The following GRM5 variants were observed in gnomAD, a reference collection of about 807,000 sequenced individuals.
The protein encoded by GRM5 is glutamate metabotropic receptor 5.
A neutral mutation model predicts 83.1 loss-of-function variants in GRM5; 19 were observed. The ratio of observed to expected loss-of-function variants is 0.23; its 90% confidence interval spans 0.16 to 0.34. GRM5 has a LOEUF of 0.34. GRM5 is among the 10% of genes least tolerant of loss of function. GRM5 has a pLI of 1.00. For missense variants in GRM5, 1,160 were observed against 1,588.3 expected, an observed-to-expected ratio of 0.73 and a Z score of 4.58; for synonymous variants, 675 against 633.6, an observed-to-expected ratio of 1.07 and a Z score of -0.98.
chr11:88,799,186 A>G (rs1943342030), intron 3 of GRM5, among the ~76,000 whole-genome samples: 1 of 152,138 alleles, frequency 6.6e-6, no homozygotes, highest in Non-Finnish European at 1.5e-5. Context: ...ACATATTTTT[A>G]TATGAGAATT....
intron 1 of GRM5, among the ~76,000 whole-genome samples, chr11:89,050,030 C>T (rs1941725625): frequency 6.6e-6 from 1 of 152,134 alleles, no homozygotes; most frequent in African/African-American, 2.4e-5. Context: ...TATGTAAGAA[C>T]ATCAAAGTGA....
chr11:88,664,870 C>A (rs1222729064), intron 3 of GRM5, among the ~76,000 whole-genome samples: 1 of 152,080 alleles, frequency 6.6e-6, no homozygotes, highest in Non-Finnish European at 1.5e-5. Context: ...TGAGCAACCA[C>A]GAATTTTAGA....
At chr11:88,781,927 T>C (rs548914479) in intron 3 of GRM5, among the ~76,000 whole-genome samples, 2 of 152,162 alleles carry the variant, frequency 1.3e-5, no homozygotes, top group Non-Finnish European at 2.9e-5. Flanking sequence ...ATTAACACAG[T>C]AGTGAATTCA....
chr11:88,547,985 GGGA>G (rs1942422266), intron 8 of GRM5, among the ~76,000 whole-genome samples: 1 of 152,150 alleles, frequency 6.6e-6, no homozygotes, highest in Admixed American at 6.6e-5. Context: ...AATGCCTTGT[GGGA>G]GGTGGGGAAG....
chr11:88,711,922 C>A (rs1446740888), intron 3 of GRM5, among the ~76,000 whole-genome samples: 1 of 152,052 alleles, frequency 6.6e-6, no homozygotes, highest in African/African-American at 2.4e-5. Context: ...TCTACACTCT[C>A]CCTGACCACT....
intron 2 of GRM5, among the ~76,000 whole-genome samples, chr11:88,894,725 G>A (rs1377512951): frequency 6.6e-6 from 1 of 151,948 alleles, no homozygotes; most frequent in Non-Finnish European, 1.5e-5. Flanking sequence ...CAAAGTGAGA[G>A]TATTAAGAAA....
At chr11:88,609,332 G>T (rs1938254063) in intron 4 of GRM5, among the ~76,000 whole-genome samples, 1 of 152,190 alleles carries the variant, frequency 6.6e-6, no homozygotes, top group Non-Finnish European at 1.5e-5. Flanking sequence ...GATTTTGTTT[G>T]GCTGTTTAGT....
At chr11:88,782,720 G>A (rs1942997450) in intron 3 of GRM5, among the ~76,000 whole-genome samples, 1 of 152,036 alleles carries the variant, frequency 6.6e-6, no homozygotes, top group South Asian at 2.1e-4. Context: ...CCATGTTATG[G>A]AAGAAAAATT....
At chr11:88,599,809 C>G (rs376421262) in intron 5 of GRM5, among the ~76,000 whole-genome samples, 1 of 151,884 alleles carries the variant, frequency 6.6e-6, no homozygotes, top group African/African-American at 2.4e-5. Context: ...GTCAGGAGAT[C>G]GAGACCATCC....
At chr11:88,976,204 TAG>T (rs1466150411) in intron 2 of GRM5, among the ~76,000 whole-genome samples, 2 of 152,148 alleles carry the variant, frequency 1.3e-5, no homozygotes, top group African/African-American at 4.8e-5. Context: ...TTAAAATACA[TAG>T]AGTGTGTGCA....
chr11:88,843,143 T>A (rs1944233745), intron 3 of GRM5, among the ~76,000 whole-genome samples: 1 of 152,232 alleles, frequency 6.6e-6, no homozygotes, highest in African/African-American at 2.4e-5. Flanking sequence ...GTCCTACACA[T>A]CTGTTGGCAC....
chr11:88,713,612 T>A (rs1198411479), intron 3 of GRM5, among the ~76,000 whole-genome samples: 1 of 152,028 alleles, frequency 6.6e-6, no homozygotes, highest in African/African-American at 2.4e-5. Context: ...GAGGCATGTT[T>A]TCTTGTACAC....
At chr11:88,511,516 C>T (rs537952567) in intron 9 of GRM5, among the ~76,000 whole-genome samples, 1 of 152,310 alleles carries the variant, frequency 6.6e-6, no homozygotes, top group African/African-American at 2.4e-5. Flanking sequence ...ATGTAATCTA[C>T]CCAATATATT....
Position 89,047,361 on chromosome 11 carries a change from G to A in GRM5, c.512C>T (p.Ala171Val). 1.2e-6 allele frequency: 2 copies of A among 1,614,072 alleles called. No individual in the cohort carries two copies. The highest frequency in any genetic ancestry group is 1.7e-6 in the Non-Finnish European group (2 of 1,179,962). ...LLQLFNIPQIAYSATSMDLSD... is the reference protein window; with the variant it reads ...LLQLFNIPQIVYSATSMDLSD... ...CAGATCCATGCTGGTTGCTGAGTAA[G>A]CAATCTGAGGTATGTTGAAAAGCTG... The change falls in exon 2 of 10, where the codon GCT becomes GTT. Residue 171 changes from alanine (A) to valine (V), a missense_variant. By Grantham distance (64) the Ala-to-Val change is moderately conservative. Transcript: ENST00000305447. This position sits in a 1 kb window ranked among gnomAD's most constrained non-coding sequence, Gnocchi z 5.1.
chr11:88,610,763 C>G (rs759107666), intron 4 of GRM5, among the ~76,000 whole-genome samples: 1 of 152,048 alleles, frequency 6.6e-6, no homozygotes, highest in African/African-American at 2.4e-5. Flanking sequence ...ACATTGAATA[C>G]AAATGAAGAT....
At chr11:88,670,131 C>T (rs1702883569) in intron 3 of GRM5, among the ~76,000 whole-genome samples, 1 of 151,844 alleles carries the variant, frequency 6.6e-6, no homozygotes, top group African/African-American at 2.4e-5. Flanking sequence ...ACAAAGGCAA[C>T]ACTGCAAAGA....
chr11:88,951,479 G>A (rs1454284193), intron 2 of GRM5, among the ~76,000 whole-genome samples: 1 of 152,204 alleles, frequency 6.6e-6, no homozygotes, highest in African/African-American at 2.4e-5. Flanking sequence ...TTTTGTGTTG[G>A]ACGGTAAGAG....
intron 1 of GRM5, among the ~76,000 whole-genome samples, chr11:89,055,089 A>G (rs1361098819): frequency 1.3e-5 from 2 of 152,196 alleles, no homozygotes; most frequent in Non-Finnish European, 2.9e-5. Flanking sequence ...GCTCTTGTCC[A>G]AGTATACACT....
At chr11:88,522,342 C>T (rs1483147836) in intron 9 of GRM5, among the ~76,000 whole-genome samples, 3 of 152,156 alleles carry the variant, frequency 2.0e-5, no homozygotes, top group Non-Finnish European at 4.4e-5. Context: ...TTAGAAACGG[C>T]TTCCATCACA....
Sources: gnomAD v4.1 joint callset for allele counts (sites outside exome capture counted in the v4.1 genomes callset) on GRCh38, gnomAD v4.1.1 for gene constraint, Gnocchi (gnomAD v3.1) non-coding constraint, MANE v1.5 for transcripts, NCBI Gene and HGNC (gene_info 2026-07-23, HGNC 2026-07-21) for gene names.